Variants in CNOT6L observed in about 807,000 individuals in gnomAD.
The protein encoded by CNOT6L is CCR4-NOT transcription complex subunit 6-like.
CNOT6L carries 7 observed loss-of-function variants against 64.0 expected under a neutral mutation model. The ratio of observed to expected loss-of-function variants is 0.11; its 90% confidence interval spans 0.06 to 0.21. The LOEUF is 0.21. Among genes scored for constraint, CNOT6L ranks in the 10% least tolerant of loss-of-function variants. The pLI is 1.00. For synonymous variants in CNOT6L, 193 were observed against 243.4 expected (o/e 0.79, Z 1.93); for missense variants, 245 against 669.0 (o/e 0.37, Z 6.99).
Position 77,806,983 on chromosome 4 carries a change from T to A in CNOT6L, c.5+12321A>T, listed in dbSNP as rs966733016. 3.9e-5 allele frequency among the ~76,000 whole-genome samples: 6 copies of A among 152,170 alleles called. No individual in the cohort carries two copies. The East Asian group carries it at 1.2e-3, about 29-fold the overall frequency. ...CTCTGTATTAAGCCCCTACTATGTATCAAACACTTGAGCTACAAAGGTAAG... is the reference window on the plus strand; with the variant it reads ...CTCTGTATTAAGCCCCTACTATGTAACAAACACTTGAGCTACAAAGGTAAG... On this transcript the variant is annotated intron_variant, in intron 1 of 11. Coordinates refer to ENST00000504123, the MANE Select transcript of CNOT6L (RefSeq NM_144571.3).
intron 8 of CNOT6L, among the ~76,000 whole-genome samples, chr4:77,736,118 C>T (rs912189487): frequency 6.6e-6 from 1 of 152,144 alleles, no homozygotes; most frequent in African/African-American, 2.4e-5. Context: ...AACTAGTCTT[C>T]CTAAACAGGA....
intron 1 of CNOT6L, among the ~76,000 whole-genome samples, chr4:77,788,008 C>T (rs924345728): frequency 6.6e-6 from 1 of 152,190 alleles, no homozygotes; most frequent in African/African-American, 2.4e-5. Flanking sequence ...ATCTCCAATA[C>T]TAGTATCATA....
intron 1 of CNOT6L, among the ~76,000 whole-genome samples, chr4:77,789,945 C>CAAAA (rs58242121): frequency 5.8e-4 from 48 of 83,302 alleles, no homozygotes; most frequent in African/African-American, 1.4e-3. Flanking sequence ...GACACTGTCT[C>CAAAA]AAAAAAAAAA....
At chr4:77,801,683 T>TA (rs2110144897) in intron 1 of CNOT6L, among the ~76,000 whole-genome samples, 1 of 26,374 alleles carries the variant, frequency 3.8e-5, no homozygotes, top group Admixed American at 5.4e-4. Context: ...TACCAGAAGA[T>TA]AAAAATTGGG....
chr4:77,777,739 G>C (rs892075665), intron 1 of CNOT6L, among the ~76,000 whole-genome samples: 1 of 152,044 alleles, frequency 6.6e-6, no homozygotes, highest in African/African-American at 2.4e-5. Context: ...GTAAAGTTTA[G>C]AACTTATATC....
chr4:77,799,038 A>C (rs1011619963), intron 1 of CNOT6L, among the ~76,000 whole-genome samples: 5 of 152,160 alleles, frequency 3.3e-5, no homozygotes, highest in African/African-American at 9.7e-5. Flanking sequence ...CCACTCCTAG[A>C]TATTTACCCA....
chr4:77,795,079 G>C (rs1380935483), intron 1 of CNOT6L, among the ~76,000 whole-genome samples: 1 of 149,668 alleles, frequency 6.7e-6, no homozygotes, highest in Non-Finnish European at 1.5e-5. Flanking sequence ...GAGTGCAATG[G>C]CACCATCTCG....
intron 8 of CNOT6L, among the ~76,000 whole-genome samples, chr4:77,739,234 T>A (rs1416807587): frequency 2.6e-5 from 4 of 152,192 alleles, no homozygotes; most frequent in Non-Finnish European, 5.9e-5. Context: ...GTTTTTCATG[T>A]ATGATTAAAC....
intron 1 of CNOT6L, among the ~76,000 whole-genome samples, chr4:77,777,346 A>G (rs1445537040): frequency 1.3e-5 from 2 of 152,338 alleles, no homozygotes; most frequent in East Asian, 3.9e-4. Flanking sequence ...TAGGCAATCC[A>G]AACGTTGTTA....
chr4:77,762,043 A>G (rs1306745738), intron 4 of CNOT6L, among the ~76,000 whole-genome samples: 1 of 152,174 alleles, frequency 6.6e-6, no homozygotes, highest in East Asian at 1.9e-4. Flanking sequence ...CTATACCCTG[A>G]AAACTACAAA....
rs1199636102 is a variant in CNOT6L, at chr4:77,797,124, A to AAAAC, written c.6-20733_6-20732insGTTT. On this transcript the variant is annotated intron_variant, in intron 1 of 11. Coordinates refer to ENST00000504123, the MANE Select transcript of CNOT6L (RefSeq NM_144571.3). ...TCTCAAAAAAAAAAAAAAAAAAAAA[A>AAAAC]AACTGCCAAGGATATTCACTGGGGA... 2.0e-5 allele frequency among the ~76,000 whole-genome samples: 3 copies of AAAAC among 151,100 alleles called. No homozygotes were observed. The East Asian group carries it at 5.8e-4, about 29-fold the overall frequency.
At chr4:77,810,659 T>C (rs1732826138) in intron 1 of CNOT6L, among the ~76,000 whole-genome samples, 2 of 152,146 alleles carry the variant, frequency 1.3e-5, no homozygotes, top group South Asian at 4.1e-4. Flanking sequence ...CATTCAATAT[T>C]TTCCTCCTAG....
At chr4:77,807,583 G>C (rs1036487155) in intron 1 of CNOT6L, among the ~76,000 whole-genome samples, 1 of 152,116 alleles carries the variant, frequency 6.6e-6, no homozygotes, top group African/African-American at 2.4e-5. Flanking sequence ...AAATCAATGA[G>C]GTCATAAAGT....
chr4:77,772,180 A>G lies in CNOT6L; in HGVS notation c.400+901T>C, dbSNP rs143041974. ...CAATGCTATTTTATCTACCATGTCAAAAGCTAAACATGAGGCATTCTGGCT... is the reference window on the plus strand; with the variant it reads ...CAATGCTATTTTATCTACCATGTCAGAAGCTAAACATGAGGCATTCTGGCT... On this transcript the variant is annotated intron_variant, in intron 4 of 11. Transcript: ENST00000504123. Among the ~76,000 whole-genome samples the G allele has an allele frequency of 5.3e-3, 806 of 152,328 alleles. 7 individuals carry two copies. Among genetic ancestry groups the G allele is most frequent in the African/African-American group, 0.018 (759 of 41,568 alleles).
intron 4 of CNOT6L, among the ~76,000 whole-genome samples, chr4:77,760,903 A>G (rs1726152775): frequency 3.9e-5 from 3 of 77,612 alleles, no homozygotes; most frequent in Non-Finnish European, 7.5e-5. Context: ...TTTAAGGAAG[A>G]GACAGGGTTT....
chr4:77,757,498 A>C (rs985110746), intron 4 of CNOT6L, among the ~76,000 whole-genome samples: 1 of 152,248 alleles, frequency 6.6e-6, no homozygotes, highest in African/African-American at 2.4e-5. Flanking sequence ...CTAAGAGTAC[A>C]GATTTATCAT....
chr4:77,785,195 T>C (rs1207857927), intron 1 of CNOT6L, among the ~76,000 whole-genome samples: 1 of 152,152 alleles, frequency 6.6e-6, no homozygotes, highest in African/African-American at 2.4e-5. Flanking sequence ...TTTCAACAAA[T>C]GGTGCTAGAA....
chr4:77,716,234 T>C lies in CNOT6L; in HGVS notation c.*4197A>G, dbSNP rs1418133014. On this transcript the variant is annotated 3_prime_UTR_variant, in exon 12 of 12. Transcript: ENST00000504123. The stretch of plus-strand genomic sequence containing the variant: ...TTTTGAAAATGTGCCATAAAGTCTT[T>C]GCTTGCTATAAAAACCATTATTTTC... 1.3e-5 allele frequency: 2 copies of C among 152,140 alleles called. No homozygotes were observed. Among genetic ancestry groups the C allele is most frequent in the East Asian group, 3.9e-4 (2 of 5,184 alleles). The allele number at this position is 152,140 out of a possible 1,614,324, so 9.4% of individuals were successfully genotyped here.
chr4:77,790,967 CTT>C (rs1445105696), intron 1 of CNOT6L, among the ~76,000 whole-genome samples: 1 of 151,550 alleles, frequency 6.6e-6, no homozygotes, highest in African/African-American at 2.4e-5. Context: ...CCAGCCAAAA[CTT>C]TCACATTTTT....
Sources: gnomAD v4.1 joint callset for allele counts (sites outside exome capture counted in the v4.1 genomes callset) on GRCh38, gnomAD v4.1.1 for gene constraint, MANE v1.5 for transcripts, NCBI Gene and HGNC (gene_info 2026-07-23, HGNC 2026-07-21) for gene names.